ECPAS: variants seen among roughly 807,000 people sequenced by gnomAD.
The protein encoded by ECPAS is Ecm29 proteasome adaptor and scaffold.
In ECPAS, 70 loss-of-function variants were observed where a neutral mutation model predicts 255.1. The observed-to-expected ratio is 0.27, with a 90% confidence interval of 0.23 to 0.33. ECPAS has a LOEUF of 0.33. ECPAS is among the 10% of genes least tolerant of loss of function. The probability of loss-of-function intolerance (pLI) is 1.00; values close to 1 mark genes in which losing one functional copy is unlikely to be tolerated. For missense variants in ECPAS, 1,817 were observed against 2,206.4 expected, an observed-to-expected ratio of 0.82 and a Z score of 3.54; for synonymous variants, 784 against 775.0, an observed-to-expected ratio of 1.01 and a Z score of -0.19.
At chr9:111,418,413 A>G (rs2098207866) in intron 16 of ECPAS, among the ~76,000 whole-genome samples, 1 of 150,988 alleles carries the variant, frequency 6.6e-6, no homozygotes, top group Non-Finnish European at 1.5e-5. Context: ...ATTCAGCTAC[A>G]ATTCTGTACA....
intron 36 of ECPAS, among the ~76,000 whole-genome samples, chr9:111,377,326 A>G (rs887808319): frequency 2.0e-5 from 3 of 152,366 alleles, no homozygotes; most frequent in Admixed American, 6.5e-5. Context: ...TCAAATAGAA[A>G]AATAGACATG....
intron 4 of ECPAS, among the ~76,000 whole-genome samples, chr9:111,444,004 T>A (rs1220372078): frequency 8.6e-6 from 1 of 116,610 alleles, no homozygotes; most frequent in Non-Finnish European, 1.7e-5. Flanking sequence ...ATTTTACTAA[T>A]TTTTTCTTCC....
intron 2 of ECPAS, among the ~76,000 whole-genome samples, chr9:111,472,004 G>A (rs2098288937): frequency 2.6e-5 from 4 of 152,162 alleles, no homozygotes; most frequent in Admixed American, 2.6e-4. Context: ...GGGAGGCTGA[G>A]GTGGGAGGAT....
chr9:111,412,217 T>C lies in ECPAS; in HGVS notation c.2080-69A>G. 2.3e-6 allele frequency: 3 copies of C among 1,323,226 alleles called. No individual in the cohort carries two copies. The South Asian group carries it at 5.0e-5, about 22-fold the overall frequency. 82.0% of individuals were successfully genotyped at this position (1,323,226 alleles called of 1,614,324 possible). ...CCACGTGCCTGATGACAACATCTTT[T>C]AAAATTAAAAGAACGTTCAATCTGT... On this transcript the variant is annotated intron_variant, in intron 20 of 49. Coordinates refer to ENST00000684092, the MANE Select transcript of ECPAS (RefSeq NM_001364929.1).
chr9:111,483,471 G>A (rs543415782), intron 1 of ECPAS: 2 of 973,770 alleles, frequency 2.1e-6, no homozygotes, highest in South Asian at 9.5e-5. Flanking sequence ...GCCCGTTCCG[G>A]CTCGCGGCCG....
intron 30 of ECPAS, 95 bp downstream of exon 30, chr9:111,389,889 C>T (rs569647048): frequency 3.5e-6 from 4 of 1,132,924 alleles, no homozygotes; most frequent in East Asian, 5.2e-5. Flanking sequence ...CAGACTTTCA[C>T]AAAATGCACT....
At chr9:111,417,407 T>C (rs908703864) in intron 17 of ECPAS, among the ~76,000 whole-genome samples, 3 of 152,192 alleles carry the variant, frequency 2.0e-5, no homozygotes, top group African/African-American at 2.4e-5. Context: ...CAATTTTTTT[T>C]CCTCACTTTG....
At chr9:111,461,792 C>A (rs774358199) in intron 2 of ECPAS, among the ~76,000 whole-genome samples, 1 of 152,168 alleles carries the variant, frequency 6.6e-6, no homozygotes, top group Non-Finnish European at 1.5e-5. Flanking sequence ...TGGAGAACTA[C>A]AGTTCCATGT....
Position 111,377,887 on chromosome 9 carries a change from C to T in ECPAS, c.3954+693G>A, listed in dbSNP as rs182385500. 1.9e-3 allele frequency among the ~76,000 whole-genome samples: 287 copies of T among 152,296 alleles called. 4 individuals are homozygous for T. Among genetic ancestry groups the T allele is most frequent in the African/African-American group, 6.1e-3 (252 of 41,556 alleles). ...TCAGGCTGGGTGCGGTGGCTCACGC[C>T]TGTAATCCCAGCACTTTGGGAGGCT... On this transcript the variant is annotated intron_variant, in intron 36 of 49. Transcript: ENST00000684092.
At chr9:111,483,450 C>A in intron 1 of ECPAS, 1 of 942,544 alleles carries the variant, frequency 1.1e-6, no homozygotes, top group South Asian at 4.9e-5. Flanking sequence ...CGGCCCCCGG[C>A]ACCGCGCGGC....
At chr9:111,448,931 T>C (rs551660539) in intron 3 of ECPAS, among the ~76,000 whole-genome samples, 1 of 152,326 alleles carries the variant, frequency 6.6e-6, no homozygotes, top group South Asian at 2.1e-4. Context: ...TTGGTTCTTT[T>C]TTTTTAACAT....
At chr9:111,376,667 C>A in intron 36 of ECPAS, 126 bp from the exon 37 acceptor site, 1 of 697,870 alleles carries the variant, frequency 1.4e-6, no homozygotes, top group South Asian at 1.6e-5. Context: ...GTAGCTATAA[C>A]AAAGGCAAAC....
At chr9:111,402,750 A>T (rs983621171) in intron 24 of ECPAS, among the ~76,000 whole-genome samples, 3 of 152,196 alleles carry the variant, frequency 2.0e-5, no homozygotes, top group African/African-American at 7.2e-5. Flanking sequence ...GATCAAAGTG[A>T]AGTTGTCATC....
chr9:111,484,242 C>T lies in ECPAS; in HGVS notation c.-209G>A. The stretch of plus-strand genomic sequence containing the variant: ...GCGCCGCAGTCCGTGAGGGGCTGGG[C>T]CGAGCGGGCCCGGGCTGCCCTAGCG... On this transcript the variant is annotated 5_prime_UTR_variant, in exon 1 of 50. Transcript: ENST00000684092. 1.4e-6 allele frequency: 2 copies of T among 1,473,236 alleles called. No individual in the cohort carries two copies. The highest frequency in any genetic ancestry group is 1.8e-6 in the Non-Finnish European group (2 of 1,118,572). The allele number at this position is 1,473,236 out of a possible 1,614,324, so 91.3% of individuals were successfully genotyped here.
intron 16 of ECPAS, among the ~76,000 whole-genome samples, chr9:111,418,982 C>T (rs1333297284): frequency 6.6e-6 from 1 of 152,158 alleles, no homozygotes; most frequent in African/African-American, 2.4e-5. Flanking sequence ...AGTCAAAAAC[C>T]AGCACCTGGT....
At chr9:111,439,652 T>C (rs111800921) in intron 6 of ECPAS, among the ~76,000 whole-genome samples, 68 of 152,268 alleles carry the variant, frequency 4.5e-4, no homozygotes, top group Non-Finnish European at 7.9e-4. Context: ...AGAAAGGCGT[T>C]CTCTTAAAAA....
At chr9:111,389,119 TAA>T (rs1276569969) in intron 31 of ECPAS, among the ~76,000 whole-genome samples, 1 of 152,200 alleles carries the variant, frequency 6.6e-6, no homozygotes, top group Non-Finnish European at 1.5e-5. Flanking sequence ...TCTTAATATC[TAA>T]AAGTGGGACA....
chr9:111,480,070 G>C (rs546110717), intron 1 of ECPAS, among the ~76,000 whole-genome samples: 9 of 151,416 alleles, frequency 5.9e-5, no homozygotes, highest in Non-Finnish European at 8.8e-5. Context: ...ATATGATAAA[G>C]TTATTTGACT....
Position 111,374,020 on chromosome 9 carries a change from T to C in ECPAS, c.4129A>G (p.Ile1377Val). 6.2e-7 allele frequency: 1 copy of C among 1,613,284 alleles called. No homozygotes were observed. The highest frequency in any genetic ancestry group is 8.5e-7 in the Non-Finnish European group (1 of 1,179,296). ...GGACACTGAGTAGTTAATGACACAA[T>C]GACACTGGCACAGCCACCCTACAGG... ...LGTKGGCASV[I>V]VSLTTQCPQD... is the part of the protein sequence containing the mutation. The change falls in exon 39 of 50, where the codon ATT becomes GTT. Residue 1377 changes from isoleucine to valine, a missense_variant. Coordinates refer to ENST00000684092, the MANE Select transcript of ECPAS (RefSeq NM_001364929.1).
Sources: allele counts gnomAD v4.1 joint callset (sites outside exome capture counted in the v4.1 genomes callset), GRCh38; gene constraint gnomAD v4.1.1; transcripts MANE v1.5; gene names NCBI Gene and HGNC (gene_info 2026-07-23, HGNC 2026-07-21).